HADHB: variants seen among roughly 807,000 people sequenced by gnomAD.
The protein encoded by HADHB is hydroxyacyl-CoA dehydrogenase trifunctional multienzyme complex subunit beta, also known as trifunctional enzyme subunit beta, mitochondrial.
A neutral mutation model predicts 61.9 loss-of-function variants in HADHB; 50 were observed. The observed-to-expected ratio is 0.81, with a 90% CI of 0.64 to 1.02. HADHB has a LOEUF of 1.02. HADHB is among the 50% of genes least tolerant of loss of function. The pLI, the probability that HADHB is intolerant of heterozygous loss-of-function variation, is 0.00. For missense variants in HADHB, 504 were observed against 586.5 expected, an observed-to-expected ratio of 0.86 and a Z score of 1.45; for synonymous variants, 191 against 201.6, an observed-to-expected ratio of 0.95 and a Z score of 0.45.
intron 1 of HADHB, among the ~76,000 whole-genome samples, chr2:26,251,466 G>A (rs991528176): frequency 1.3e-5 from 2 of 152,196 alleles, no homozygotes; most frequent in African/African-American, 2.4e-5. Context: ...GGGATTACAG[G>A]TGTGAGCCTC....
chr2:26,277,882 A>G (rs1256017854), intron 7 of HADHB, among the ~76,000 whole-genome samples: 2 of 152,242 alleles, frequency 1.3e-5, no homozygotes, highest in African/African-American at 2.4e-5. Context: ...ATACTTGTAA[A>G]TCATTGCTTT....
intron 15 of HADHB, among the ~76,000 whole-genome samples, chr2:26,289,653 G>A (rs1390151061): frequency 3.3e-5 from 5 of 152,048 alleles, no homozygotes; most frequent in Non-Finnish European, 7.4e-5. Context: ...ATATATGTGT[G>A]TGTATATATA....
chr2:26,269,380 A>G (rs1381879662), intron 4 of HADHB, among the ~76,000 whole-genome samples: 3 of 151,970 alleles, frequency 2.0e-5, no homozygotes, highest in African/African-American at 7.2e-5. Flanking sequence ...ATTTTTTGTA[A>G]GAGACAAGGT....
intron 7 of HADHB, 65 bp downstream of exon 7, chr2:26,277,225 A>G (rs1235196546): frequency 2.5e-6 from 2 of 793,462 alleles, no homozygotes; most frequent in Non-Finnish European, 4.2e-6. Flanking sequence ...CTTGATTATA[A>G]AAATGTACTT....
intron 15 of HADHB, among the ~76,000 whole-genome samples, chr2:26,289,460 C>T (rs1673176857): frequency 6.8e-6 from 1 of 147,732 alleles, no homozygotes; most frequent in Non-Finnish European, 1.5e-5. Flanking sequence ...CCTCAGTTTT[C>T]CCCTCTAGAA....
intron 4 of HADHB, among the ~76,000 whole-genome samples, chr2:26,264,573 A>G (rs12476565): frequency 0.083 from 12,301 of 147,406 alleles, 2,033 homozygotes; most frequent in East Asian, 0.74. Flanking sequence ...AAAAAAAAAA[A>G]GCAAGGTGCA....
chr2:26,258,086 G>A (rs948727002), intron 3 of HADHB, among the ~76,000 whole-genome samples: 2 of 152,032 alleles, frequency 1.3e-5, no homozygotes, highest in African/African-American at 4.8e-5. Context: ...TCTGGGAACC[G>A]TGGGTTATGG....
chr2:26,261,362 A>G, intron 3 of HADHB: 1 of 256,842 alleles, frequency 3.9e-6, no homozygotes, highest in Admixed American at 5.0e-5. Context: ...AAGCTTCAAT[A>G]TTTCATGACT....
intron 6 of HADHB, among the ~76,000 whole-genome samples, chr2:26,276,403 T>C (rs1446443663): frequency 2.0e-5 from 3 of 152,240 alleles, no homozygotes; most frequent in Non-Finnish European, 2.9e-5. Flanking sequence ...GTTTCTTTCA[T>C]TGAGTTGAGC....
At chr2:26,251,730 C>G (rs187684779) in intron 1 of HADHB, among the ~76,000 whole-genome samples, 2 of 152,272 alleles carry the variant, frequency 1.3e-5, no homozygotes, top group East Asian at 3.9e-4. Flanking sequence ...TTCTCCATCT[C>G]TTTCCAATCC....
In HADHB at chr2:26,267,771, C is replaced by CAA. The variant is rs772133699; in HGVS notation, c.210-2165_210-2164dup. 2.5e-3 allele frequency among the ~76,000 whole-genome samples: 166 copies of CAA among 67,390 alleles called. 2 individuals are homozygous for CAA. The highest frequency in any genetic ancestry group is 5.1e-3 in the East Asian group (19 of 3,726). The allele number at this position is 67,390 out of a possible 152,430, so 44.2% of individuals were successfully genotyped here. ...TGGGCAACAGAGTGAGACTCTGTCT[C>CAA]AAAAAAAAAAAAAAAAAAGAGTAAA... On this transcript the variant is annotated intron_variant, in intron 4 of 15. Coordinates refer to ENST00000317799, the MANE Select transcript of HADHB (RefSeq NM_000183.3).
intron 13 of HADHB, 42 bp downstream of exon 13, chr2:26,284,246 A>T (rs750308250): frequency 9.7e-7 from 1 of 1,031,032 alleles, no homozygotes; most frequent in South Asian, 1.3e-5. Context: ...CTATAGTCAT[A>T]AAAAATGTCA....
Position 26,278,679 on chromosome 2 carries a change from G to A in HADHB, c.508G>A (p.Asp170Asn), listed in dbSNP as rs35274385. Residue 170 changes from aspartate (D) to asparagine (N), a missense_variant, in exon 8 of 16, where the codon GAT (aspartate) becomes AAT (asparagine). Coordinates refer to ENST00000317799, the MANE Select transcript of HADHB (RefSeq NM_000183.3). ...IVAGGVELMS[D>N]VPIRHSRKMR... is the part of the protein sequence containing the mutation. ...GGCAGGTGGTGTTGAGTTGATGTCC[G>A]ATGTCCCTATTCGTCACTCAAGGAA... is the stretch of plus-strand genomic sequence containing the variant. 38 of 1,613,866 alleles carry A rather than the reference G, an allele frequency of 2.4e-5. No homozygotes were observed. Among genetic ancestry groups the A allele is most frequent in the East Asian group, 2.2e-4 (10 of 44,900 alleles).
At position 26,278,773 on chromosome 2, in the gene HADHB, A is replaced by T; in HGVS notation, c.602A>T (p.Lys201Ile). ...GGCCAGCGACTGTCTTTAATCTCTA[A>T]ATTCCGATTTAATTTCCTAGCACCT... is the stretch of plus-strand genomic sequence containing the variant. ...SMGQRLSLIS[K>I]FRFNFLAPEL... Residue 201 changes from lysine to isoleucine, a missense_variant, in exon 8 of 16, where the codon AAA becomes ATA. Transcript: ENST00000317799. 3 of 1,614,078 alleles carry T rather than the reference A, an allele frequency of 1.9e-6. No individual in the cohort carries two copies. Among genetic ancestry groups the T allele is most frequent in the Non-Finnish European group, 2.5e-6 (3 of 1,179,986 alleles).
chr2:26,284,630 A>AT (rs1012729163), intron 13 of HADHB, among the ~76,000 whole-genome samples: 5 of 151,346 alleles, frequency 3.3e-5, no homozygotes, highest in African/African-American at 1.2e-4. Flanking sequence ...TGCCCGACTA[A>AT]TTTTTTTTAT....
intron 7 of HADHB, among the ~76,000 whole-genome samples, chr2:26,277,737 G>C (rs1484961310): frequency 1.3e-5 from 2 of 152,204 alleles, no homozygotes; most frequent in Non-Finnish European, 2.9e-5. Flanking sequence ...TCAACTGGAG[G>C]AGTGTATCTC....
chr2:26,259,087 C>T (rs566444900), intron 3 of HADHB, among the ~76,000 whole-genome samples: 1 of 152,304 alleles, frequency 6.6e-6, no homozygotes, highest in East Asian at 1.9e-4. Flanking sequence ...AAAATCCCCT[C>T]GAACTTGGAA....
At chr2:26,272,417 C>T (rs999289864) in intron 5 of HADHB, among the ~76,000 whole-genome samples, 1 of 149,574 alleles carries the variant, frequency 6.7e-6, no homozygotes, top group South Asian at 2.1e-4. Context: ...ACGATCTCGG[C>T]TCACTGCAGC....
intron 15 of HADHB, among the ~76,000 whole-genome samples, chr2:26,288,804 G>T (rs1673147250): frequency 6.6e-6 from 1 of 152,194 alleles, no homozygotes; most frequent in Non-Finnish European, 1.5e-5. Context: ...CTTTAAACCT[G>T]CAGTGTTCAA....
Sources: allele counts gnomAD v4.1 joint callset (sites outside exome capture counted in the v4.1 genomes callset), GRCh38; gene constraint gnomAD v4.1.1; transcripts MANE v1.5; gene names NCBI Gene and HGNC (gene_info 2026-07-23, HGNC 2026-07-21).